Variants in SRSF11 observed in about 807,000 individuals in gnomAD.
SRSF11 encodes the protein serine/arginine-rich splicing factor 11.
SRSF11 carries 9 observed loss-of-function variants against 56.0 expected under a neutral mutation model. That is an observed-to-expected ratio of 0.16 (90% CI 0.10 to 0.28). The LOEUF is 0.28. Ranked by LOEUF, SRSF11 falls within the 10% of genes least tolerant of loss-of-function variation. SRSF11 has a pLI of 1.00. For synonymous variants in SRSF11, 222 were observed against 215.3 expected, an observed-to-expected ratio of 1.03 and a Z score of -0.27; for missense variants, 421 against 600.7, an observed-to-expected ratio of 0.70 and a Z score of 3.13.
chr1:70,210,222 G>A (rs1356031244), intron 1 of SRSF11, among the ~76,000 whole-genome samples: 3 of 151,584 alleles, frequency 2.0e-5, no homozygotes, highest in Admixed American at 2.0e-4. Flanking sequence ...AGAGCTCACT[G>A]CAGCCTCAAA....
rs145320002 is a variant in SRSF11 at position 70,223,294 on chromosome 1, C to T, written c.203+1455C>T. On this transcript the variant is annotated intron_variant, in intron 1 of 11. Transcript: ENST00000370949. ...CAAGTTAAAAATTTTGTTATGGTTG[C>T]TGACTTTTAAATGCTGTTTATTCTC... is the stretch of plus-strand genomic sequence containing the variant. Among the ~76,000 whole-genome samples, 5 of 152,262 alleles carry T rather than the reference C, an allele frequency of 3.3e-5. No homozygotes were observed. In the East Asian group the frequency reaches 9.6e-4, roughly 29 times the overall value.
chr1:70,230,302 CT>C, intron 2 of SRSF11: 1 of 1,008,534 alleles, frequency 9.9e-7, no homozygotes, highest in African/African-American at 1.7e-5. Context: ...GTATGATATG[CT>C]GTATTAATGT....
chr1:70,221,726 C>T lies in SRSF11; in HGVS notation c.90C>T (p.Gly30=), dbSNP rs1343312723. ...GAGGTGGTGGTGGCGGCGGAGGCGGCGGCACCGAGGTAATCCAGGTGACTA... is the reference window on the plus strand; with the variant it reads ...GAGGTGGTGGTGGCGGCGGAGGCGGTGGCACCGAGGTAATCCAGGTGACTA... ...GGGGGGGGGG[G]GTEVIQVTNV... is the part of the protein sequence containing the mutation. Residue 30 remains glycine (G), a synonymous_variant, in exon 1 of 12, where the codon GGC becomes GGT. Transcript: ENST00000370949. 3.7e-6 allele frequency: 6 copies of T among 1,613,730 alleles called. No individual in the cohort carries two copies. The highest frequency in any genetic ancestry group is 5.1e-6 in the Non-Finnish European group (6 of 1,179,856).
In SRSF11 at chr1:70,247,327, C is replaced by T. The variant is rs1374383839; in HGVS notation, c.1022+420C>T. Reference sequence around the variant, plus strand: ...AAGCAATGCAGGTTCTGGTTTGTGTCATTCTTAGACTAATTCTATCTTTAA... The same window carrying T: ...AAGCAATGCAGGTTCTGGTTTGTGTTATTCTTAGACTAATTCTATCTTTAA... On this transcript the variant is annotated intron_variant, in intron 9 of 11. Transcript: ENST00000370949. Among the ~76,000 whole-genome samples, 3 of 152,158 alleles carry T rather than the reference C, an allele frequency of 2.0e-5. No individual in the cohort carries two copies. In the East Asian group the frequency reaches 5.8e-4, roughly 29 times the overall value.
chr1:70,212,666 A>T lies in SRSF11; in HGVS notation c.-26+6886A>T, dbSNP rs79558399. On this transcript the variant is annotated intron_variant, in intron 1 of 12. Coordinates refer to the SRSF11 transcript ENST00000370950. Reference sequence around the variant, plus strand: ...AGGAGAAGGGGCATCTAATAATGGTATAATTCATATCTTTAACTTAACTGT... The same window carrying T: ...AGGAGAAGGGGCATCTAATAATGGTTTAATTCATATCTTTAACTTAACTGT... 8.5e-3 allele frequency among the ~76,000 whole-genome samples: 1,292 copies of T among 152,348 alleles called. 20 individuals carry two copies. The highest frequency in any genetic ancestry group is 0.029 in the African/African-American group (1,223 of 41,580).
At chr1:70,240,637 A>C (rs148786391) in intron 7 of SRSF11, among the ~76,000 whole-genome samples, 1 of 152,250 alleles carries the variant, frequency 6.6e-6, no homozygotes. Flanking sequence ...ACTCAATCCT[A>C]ATTGGCCTAG....
chr1:70,244,876 T>G, intron 8 of SRSF11, 61 bp downstream of exon 8: 1 of 1,528,516 alleles, frequency 6.5e-7, no homozygotes, highest in Non-Finnish European at 8.9e-7. Context: ...ACTGTGCTAC[T>G]TAGTAACAAA....
rs558732349 is a variant in SRSF11, at chr1:70,222,096, A to AC, written c.203+258dup. Among the ~76,000 whole-genome samples, 405 of 152,248 alleles carry AC rather than the reference A, an allele frequency of 2.7e-3. 1 individual carries two copies. Among genetic ancestry groups the AC allele is most frequent in the Middle Eastern group, 0.01 (3 of 294 alleles). ...TTTTTTTCCGCCTTAAATTGTGCCAACGTGGTCGTTTGGCTTTGGGGACTT... is the reference window on the plus strand; with the variant it reads ...TTTTTTTCCGCCTTAAATTGTGCCAACCGTGGTCGTTTGGCTTTGGGGACTT... On this transcript the variant is annotated intron_variant, in intron 1 of 11. Transcript: ENST00000370949.
intron 6 of SRSF11, 57 bp from the exon 7 acceptor site, chr1:70,239,382 G>A: frequency 7.9e-7 from 1 of 1,259,596 alleles, no homozygotes; most frequent in Non-Finnish European, 1.1e-6. Flanking sequence ...ATGAGCCACT[G>A]CGTCTGGCCC....
intron 5 of SRSF11, among the ~76,000 whole-genome samples, chr1:70,236,573 A>G (rs1027528545): frequency 6.7e-6 from 1 of 150,190 alleles, no homozygotes; most frequent in South Asian, 2.1e-4. Context: ...CTCATGATCC[A>G]CCCGCCAAGG....
At chr1:70,242,325 CATT>C (rs1675634689) in intron 7 of SRSF11, among the ~76,000 whole-genome samples, 1 of 151,892 alleles carries the variant, frequency 6.6e-6, no homozygotes, top group Non-Finnish European at 1.5e-5. Context: ...TAACAGAAAT[CATT>C]GTTGTGGGTT....
chr1:70,229,757 C>G, intron 2 of SRSF11: 2 of 984,216 alleles, frequency 2.0e-6, no homozygotes. Flanking sequence ...ATGTCTAGTC[C>G]TTAACAGAGA....
In SRSF11 at chr1:70,221,678, CCCCAGCGGCGGG is replaced by C. The variant is rs1670653344; in HGVS notation, c.46_57del (p.Ser16_Pro19del). The C allele has an allele frequency of 1.9e-6, 3 of 1,612,856 alleles. No homozygotes were observed. Among genetic ancestry groups the C allele is most frequent in the South Asian group, 2.2e-5 (2 of 90,976 alleles). On this transcript the variant is annotated inframe_deletion, in exon 1 of 12. Coordinates refer to ENST00000370949, the MANE Select transcript of SRSF11 (RefSeq NM_001350605.2). The stretch of plus-strand genomic sequence containing the variant: ...TCGTCCCCAGCACTGCAGGTCCGGG[CCCCAGCGGCGGG>C]CCCGGTGGCGGAGGTGGTGGTGGCG...
At chr1:70,226,322 T>C (rs1363970505) in intron 1 of SRSF11, among the ~76,000 whole-genome samples, 1 of 152,198 alleles carries the variant, frequency 6.6e-6, no homozygotes, top group East Asian at 1.9e-4. Flanking sequence ...ATATTTCTTA[T>C]TCACAGTATT....
chr1:70,229,452 A>G, intron 2 of SRSF11: 2 of 985,388 alleles, frequency 2.0e-6, no homozygotes, highest in Non-Finnish European at 2.4e-6. Flanking sequence ...AAGAAATTTT[A>G]ATACCATTTT....
At chr1:70,237,636 C>A (rs1393114789) in intron 6 of SRSF11, 84 bp downstream of exon 6, 10 of 1,542,856 alleles carry the variant, frequency 6.5e-6, no homozygotes, top group Non-Finnish European at 1.8e-6. Context: ...TGAGTGACAC[C>A]CTAGTCGTTT....
intron 8 of SRSF11, 131 bp from the exon 9 acceptor site, chr1:70,246,687 T>C (rs1332055150): frequency 2.0e-6 from 1 of 500,598 alleles, no homozygotes; most frequent in African/African-American, 2.0e-5. Context: ...TTTAAAACAG[T>C]TTCTGTCAGA....
At chr1:70,229,832 A>G (rs1672520415) in intron 2 of SRSF11, 1 of 983,430 alleles carries the variant, frequency 1.0e-6, no homozygotes, top group Non-Finnish European at 1.2e-6. Context: ...ATGTTATGTA[A>G]TAGTACCTCT....
Position 70,230,923 on chromosome 1 carries a change from C to T in SRSF11, c.338-1345C>T, listed in dbSNP as rs901573470. 11 of 1,195,660 alleles carry T rather than the reference C, an allele frequency of 9.2e-6. No homozygotes were observed. In the African/African-American group the frequency reaches 1.1e-4, roughly 12 times the overall value. 74.1% of individuals were successfully genotyped at this position (1,195,660 alleles called of 1,614,324 possible). ...CCTATATCTAAATGATCTTCTCCCC[C>T]TTCCCCTCCATAACTCTTGGTATCT... On this transcript the variant is annotated intron_variant, in intron 2 of 11. Transcript: ENST00000370949.
Sources: allele counts gnomAD v4.1 joint callset (sites outside exome capture counted in the v4.1 genomes callset), GRCh38; gene constraint gnomAD v4.1.1; transcripts MANE v1.5; gene names NCBI Gene and HGNC (gene_info 2026-07-23, HGNC 2026-07-21).